The following ZFPM1 variants were observed in gnomAD, a reference collection of about 807,000 sequenced individuals.
ZFPM1 encodes zinc finger protein ZFPM1.
ZFPM1 carries 28 observed loss-of-function variants against 46.3 expected under a neutral mutation model. The ratio of observed to expected loss-of-function variants is 0.60; its 90% CI spans 0.45 to 0.83. ZFPM1 has a LOEUF of 0.83. Ranked by LOEUF, ZFPM1 falls within the 40% of genes least tolerant of loss-of-function variation. The pLI is 0.00. For missense variants in ZFPM1, 1,878 were observed against 1,432.4 expected, an observed-to-expected ratio of 1.31 and a Z score of -5.02; for synonymous variants, 957 against 675.9, an observed-to-expected ratio of 1.42 and a Z score of -6.45.
At chr16:88,526,966 C>A in intron 5 of ZFPM1, 50 bp downstream of exon 5, 1 of 1,526,922 alleles carries the variant, frequency 6.5e-7, no homozygotes, top group South Asian at 1.2e-5. Flanking sequence ...AGGTGGGGGT[C>A]ACTTGGCTCC....
intron 3 of ZFPM1, among the ~76,000 whole-genome samples, chr16:88,492,762 T>A (rs1460226468): frequency 6.6e-6 from 1 of 152,162 alleles, no homozygotes; most frequent in African/African-American, 2.4e-5. Context: ...GGCTGCCCTG[T>A]CCCTGGTGGT....
At chr16:88,459,071 G>T (rs1907685714) in intron 1 of ZFPM1, among the ~76,000 whole-genome samples, 1 of 152,230 alleles carries the variant, frequency 6.6e-6, no homozygotes, top group Non-Finnish European at 1.5e-5. Context: ...GGGCCTGTGT[G>T]CAAGTCGAGA....
chr16:88,531,427 T>C (rs767068604), intron 6 of ZFPM1, among the ~76,000 whole-genome samples: 68 of 152,160 alleles, frequency 4.5e-4, no homozygotes, highest in Admixed American at 2.0e-4. Context: ...AGGTGGTCAC[T>C]GACATGGAGC....
At chr16:88,452,079 G>C (rs1597220590), upstream of ZFPM1, among the ~76,000 whole-genome samples, 1 of 152,322 alleles carries the variant, frequency 6.6e-6, no homozygotes, top group African/African-American at 2.4e-5. Flanking sequence ...TCAGGTGGGA[G>C]GGGTCCTTCC....
At chr16:88,482,091 C>G (rs555578687) in intron 1 of ZFPM1, among the ~76,000 whole-genome samples, 1 of 152,212 alleles carries the variant, frequency 6.6e-6, no homozygotes, top group African/African-American at 2.4e-5. Context: ...CGTGGGTTGG[C>G]CTGCTCCAGC....
At chr16:88,479,846 T>C (rs938168637) in intron 1 of ZFPM1, among the ~76,000 whole-genome samples, 2 of 33,714 alleles carry the variant, frequency 5.9e-5, no homozygotes, top group Admixed American at 3.4e-4. Context: ...CCCCTCCCCG[T>C]CCCTCCCTCC....
intron 3 of ZFPM1, among the ~76,000 whole-genome samples, chr16:88,498,776 C>T (rs78406993): frequency 0.013 from 2,048 of 152,342 alleles, 54 homozygotes; most frequent in African/African-American, 0.047. Flanking sequence ...ATTGGGCCTG[C>T]GGCTGCAGAG....
intron 3 of ZFPM1, among the ~76,000 whole-genome samples, chr16:88,505,077 G>A (rs918421243): frequency 6.6e-5 from 10 of 152,254 alleles, no homozygotes; most frequent in Middle Eastern, 3.2e-3. Flanking sequence ...TGTTCCAGGC[G>A]ATAGGAAGAC....
Position 88,491,411 on chromosome 16 carries a change from A to G in ZFPM1, c.268+2258A>G, listed in dbSNP as rs1270876739. ...CTGGGCAGTCCTCACACCAGCCCCA[A>G]GAGGGGCCGAGATGGTGACCCAAGT... On this transcript the variant is annotated intron_variant, in intron 3 of 9. Coordinates refer to ENST00000319555, the MANE Select transcript of ZFPM1 (RefSeq NM_153813.3). Among the ~76,000 whole-genome samples, 2 of 152,202 alleles carry G rather than the reference A, an allele frequency of 1.3e-5. 1 individual carries two copies. Among genetic ancestry groups the G allele is most frequent in the Non-Finnish European group, 2.9e-5 (2 of 68,028 alleles).
intron 9 of ZFPM1, 82 bp downstream of exon 9, chr16:88,533,017 G>A (rs1273440134): frequency 4.5e-6 from 7 of 1,567,482 alleles, no homozygotes; most frequent in African/African-American, 4.1e-5. Flanking sequence ...CCCAAGACAG[G>A]TGGGGGTCCG....
intron 1 of ZFPM1, among the ~76,000 whole-genome samples, chr16:88,455,632 C>A (rs1054826279): frequency 1.4e-4 from 21 of 152,116 alleles, no homozygotes; most frequent in Non-Finnish European, 2.2e-4. Context: ...GCCCACCCCC[C>A]ACCCGCGCCC....
At chr16:88,532,559 G>T in intron 7 of ZFPM1, 55 bp from the exon 8 acceptor site, 1 of 1,522,068 alleles carries the variant, frequency 6.6e-7, no homozygotes. Flanking sequence ...CCTCATCCCT[G>T]GAGTCCCAAG....
At chr16:88,524,438 A>G (rs888324973) in intron 4 of ZFPM1, among the ~76,000 whole-genome samples, 1 of 152,102 alleles carries the variant, frequency 6.6e-6, no homozygotes, top group Non-Finnish European at 1.5e-5. Flanking sequence ...CGGCCCTGGG[A>G]ATCACGGGGG....
At chr16:88,515,394 C>G (rs1037594956) in intron 4 of ZFPM1, among the ~76,000 whole-genome samples, 2 of 152,258 alleles carry the variant, frequency 1.3e-5, no homozygotes. Context: ...CTGTGCATCC[C>G]CAGGCAGGCC....
At chr16:88,516,057 C>G (rs1432297934) in intron 4 of ZFPM1, 2 of 398,192 alleles carry the variant, frequency 5.0e-6, no homozygotes, top group Non-Finnish European at 8.9e-6. Flanking sequence ...ACACGCCCAT[C>G]CTCACTTCCT....
chr16:88,531,636 C>T (rs985985709), intron 6 of ZFPM1, among the ~76,000 whole-genome samples: 5 of 152,202 alleles, frequency 3.3e-5, no homozygotes, highest in Non-Finnish European at 4.4e-5. Context: ...CACGGCCTCC[C>T]GGGTCCACAC....
At chr16:88,476,488 G>A (rs1908693834) in intron 1 of ZFPM1, among the ~76,000 whole-genome samples, 1 of 152,114 alleles carries the variant, frequency 6.6e-6, no homozygotes, top group East Asian at 1.9e-4. Flanking sequence ...GGAGGGAGGG[G>A]AGAGGGCCGA....
intron 2 of ZFPM1, among the ~76,000 whole-genome samples, chr16:88,488,749 C>T (rs939086620): frequency 8.5e-5 from 13 of 152,278 alleles, no homozygotes; most frequent in Non-Finnish European, 1.2e-4. Context: ...GCCTGCTGGC[C>T]GGGACAGGCC....
chr16:88,533,845 C>T lies in ZFPM1; in HGVS notation c.1887C>T (p.Pro629=). The T allele has an allele frequency of 2.0e-6, 2 of 985,848 alleles. No homozygotes were observed. The highest frequency in any genetic ancestry group is 3.5e-5 in the African/African-American group (2 of 56,370). 61.1% of individuals were successfully genotyped at this position (985,848 alleles called of 1,614,324 possible). The change falls in exon 10 of 10, where the codon CCC becomes CCT. Residue 629 remains proline, a synonymous_variant. Coordinates refer to ENST00000319555, the MANE Select transcript of ZFPM1 (RefSeq NM_153813.3). ...PGPARAPPGQ[P]AEPDAPRSSP... ...CGGCCCGCGCGCCCCCCGGCCAGCC[C>T]GCCGAACCCGACGCGCCGCGCTCGT...
Sources: allele counts gnomAD v4.1 joint callset (sites outside exome capture counted in the v4.1 genomes callset), GRCh38; gene constraint gnomAD v4.1.1; transcripts MANE v1.5; gene names NCBI Gene and HGNC (gene_info 2026-07-23, HGNC 2026-07-21).